TMPRSS15: variants seen among roughly 807,000 people sequenced by gnomAD.
TMPRSS15 encodes transmembrane serine protease 15, also known as enteropeptidase.
Under a neutral mutation model 125.3 loss-of-function variants are expected in TMPRSS15, and 128 were observed. The observed-to-expected ratio is 1.02, with a 90% CI of 0.89 to 1.18. The LOEUF (loss-of-function observed/expected upper bound fraction) is 1.18. Among genes scored for constraint, TMPRSS15 ranks in the 50% most tolerant of loss-of-function variants. The pLI, the probability that TMPRSS15 is intolerant of heterozygous loss-of-function variation, is 0.00. For synonymous variants in TMPRSS15, 446 were observed against 423.2 expected (o/e 1.05, Z -0.66); for missense variants, 1,283 against 1,212.7 (o/e 1.06, Z -0.86).
intron 18 of TMPRSS15, 124 bp from the exon 19 acceptor site, chr21:18,297,953 T>C (rs2074925989): frequency 1.5e-6 from 1 of 679,936 alleles, no homozygotes; most frequent in Non-Finnish European, 2.5e-6. Flanking sequence ...GCCAAAAAAA[T>C]GAACGTTTTA....
At chr21:18,361,878 G>A (rs781073033) in intron 7 of TMPRSS15, among the ~76,000 whole-genome samples, 2 of 104,190 alleles carry the variant, frequency 1.9e-5, no homozygotes, top group Non-Finnish European at 4.0e-5. Context: ...GTGGTGGTAG[G>A]TTATTAAAAA....
chr21:18,289,824 G>C (rs1374582755), intron 21 of TMPRSS15, among the ~76,000 whole-genome samples: 3 of 152,194 alleles, frequency 2.0e-5, no homozygotes, highest in African/African-American at 7.2e-5. Context: ...CTGGAAGCTG[G>C]GATGTGAGTG....
chr21:18,327,318 A>C (rs1355529406), intron 15 of TMPRSS15, among the ~76,000 whole-genome samples: 3 of 152,190 alleles, frequency 2.0e-5, no homozygotes, highest in African/African-American at 7.2e-5. Flanking sequence ...GAGAACTCTG[A>C]AGTTTTTATT....
chr21:18,359,963 CATA>C, intron 7 of TMPRSS15, 100 bp from the exon 8 acceptor site: 1 of 645,400 alleles, frequency 1.5e-6, no homozygotes, highest in South Asian at 1.6e-5. Flanking sequence ...GTGAACACCA[CATA>C]ATATGATATC....
At chr21:18,463,267 A>AAAAAAAAAAAAAAC in intron 1 of TMPRSS15, among the ~76,000 whole-genome samples, 1 of 147,508 alleles carries the variant, frequency 6.8e-6, no homozygotes, top group Non-Finnish European at 1.5e-5. Flanking sequence ...AAAAAAAAAA[A>AAAAAAAAAAAAAAC]AAAAAAAAAA....
At chr21:18,332,456 G>T (rs1370708873) in intron 13 of TMPRSS15, among the ~76,000 whole-genome samples, 4 of 152,032 alleles carry the variant, frequency 2.6e-5, no homozygotes, top group African/African-American at 7.2e-5. Flanking sequence ...CCACTTTTTT[G>T]TGGGGTTGTT....
At chr21:18,447,851 A>T (rs1008940615) in intron 1 of TMPRSS15, among the ~76,000 whole-genome samples, 1 of 152,144 alleles carries the variant, frequency 6.6e-6, no homozygotes, top group Non-Finnish European at 1.5e-5. Context: ...GTAGGTCTTT[A>T]GTAGCAGCAT....
intron 12 of TMPRSS15, among the ~76,000 whole-genome samples, chr21:18,342,538 T>C (rs886743067): frequency 6.6e-6 from 1 of 152,212 alleles, no homozygotes; most frequent in Non-Finnish European, 1.5e-5. Flanking sequence ...GATCCAATTA[T>C]ATTACTTTAG....
At chr21:18,341,757 C>A (rs1051227917) in intron 12 of TMPRSS15, among the ~76,000 whole-genome samples, 2 of 152,134 alleles carry the variant, frequency 1.3e-5, no homozygotes, top group Non-Finnish European at 2.9e-5. Context: ...ATTATGTGTT[C>A]ACACTGGCTA....
chr21:18,425,017 A>C (rs867954607), intron 1 of TMPRSS15, among the ~76,000 whole-genome samples: 2 of 151,062 alleles, frequency 1.3e-5, no homozygotes, highest in African/African-American at 4.8e-5. Flanking sequence ...ATGAATTAAT[A>C]TGCATATATA....
intron 21 of TMPRSS15, among the ~76,000 whole-genome samples, chr21:18,287,561 C>T (rs749054989): frequency 1.1e-4 from 16 of 151,894 alleles, no homozygotes; most frequent in African/African-American, 3.1e-4. Flanking sequence ...TTGAGAGATA[C>T]GATAGAAACT....
intron 7 of TMPRSS15, 150 bp downstream of exon 7, chr21:18,364,990 T>C (rs994661867): frequency 1.5e-6 from 1 of 670,778 alleles, no homozygotes; most frequent in Non-Finnish European, 2.6e-6. Flanking sequence ...AATGATAGTA[T>C]AGTTTTTTGT....
chr21:18,377,186 T>C (rs998832230), intron 5 of TMPRSS15, among the ~76,000 whole-genome samples: 2 of 152,130 alleles, frequency 1.3e-5, no homozygotes, highest in Non-Finnish European at 2.9e-5. Context: ...ACTTACCTTA[T>C]AATAATAGTT....
intron 4 of TMPRSS15, among the ~76,000 whole-genome samples, chr21:18,381,905 A>T (rs973703783): frequency 1.3e-5 from 2 of 152,124 alleles, no homozygotes; most frequent in Admixed American, 6.6e-5. Flanking sequence ...GTGATAAAAT[A>T]ATCTATACAA....
chr21:18,298,346 T>G (rs1224300620), intron 18 of TMPRSS15, among the ~76,000 whole-genome samples: 1 of 152,224 alleles, frequency 6.6e-6, no homozygotes, highest in Admixed American at 6.5e-5. Context: ...GTTCTTGATA[T>G]TTCATTCAAT....
At chr21:18,331,473 G>A (rs1342117479) in intron 14 of TMPRSS15, among the ~76,000 whole-genome samples, 1 of 152,154 alleles carries the variant, frequency 6.6e-6, no homozygotes, top group East Asian at 1.9e-4. Context: ...ATCTATTTAG[G>A]AACATTGATG....
At chr21:18,439,780 G>A (rs1349917202) in intron 1 of TMPRSS15, among the ~76,000 whole-genome samples, 3 of 152,172 alleles carry the variant, frequency 2.0e-5, no homozygotes, top group Non-Finnish European at 4.4e-5. Flanking sequence ...AGCACAAAGA[G>A]AGACTAGATA....
At chr21:18,439,797 T>A (rs2076236847) in intron 1 of TMPRSS15, among the ~76,000 whole-genome samples, 1 of 152,180 alleles carries the variant, frequency 6.6e-6, no homozygotes, top group Non-Finnish European at 1.5e-5. Flanking sequence ...GATACCATCT[T>A]TAAAGCTCTT....
At chr21:18,408,628 A>C (rs544467083), upstream of TMPRSS15, among the ~76,000 whole-genome samples, 1 of 152,168 alleles carries the variant, frequency 6.6e-6, no homozygotes, top group South Asian at 2.1e-4. Context: ...CTGAGATCTA[A>C]TTGGCAAATT....
Sources: allele counts gnomAD v4.1 joint callset (sites outside exome capture counted in the v4.1 genomes callset), GRCh38; gene constraint gnomAD v4.1.1; transcripts MANE v1.5; gene names NCBI Gene and HGNC (gene_info 2026-07-23, HGNC 2026-07-21).